SLC35D2: variants seen among roughly 807,000 people sequenced by gnomAD.
The protein encoded by SLC35D2 is nucleotide sugar transporter SLC35D2.
In SLC35D2, 43 loss-of-function variants were observed where a neutral mutation model predicts 41.8. That is an observed-to-expected ratio of 1.03 (90% CI 0.81 to 1.33). SLC35D2 has a LOEUF of 1.33. Among genes scored for constraint, SLC35D2 ranks in the 40% most tolerant of loss-of-function variants. SLC35D2 has a pLI of 0.00. For missense variants in SLC35D2, 380 were observed against 408.4 expected (o/e 0.93, Z 0.60); for synonymous variants, 150 against 163.9 (o/e 0.92, Z 0.65).
Position 96,376,174 on chromosome 9 carries a change from A to G in SLC35D2, c.158+7303T>C, listed in dbSNP as rs1036501635. 1.1e-3 allele frequency among the ~76,000 whole-genome samples: 174 copies of G among 151,726 alleles called. 1 individual carries two copies. The Middle Eastern group carries it at 0.021, about 18-fold the overall frequency. The stretch of plus-strand genomic sequence containing the variant: ...GCTGGGCATAGTGGCAGGCGCCTGT[A>G]ATCCCAGCTACTCGGGAGGCTGAGG... On this transcript the variant is annotated intron_variant, in intron 1 of 11. Transcript: ENST00000253270.
At chr9:96,317,468 GT>G (rs2130816640), downstream of SLC35D2, among the ~76,000 whole-genome samples, 1 of 152,184 alleles carries the variant, frequency 6.6e-6, no homozygotes, top group East Asian at 1.9e-4. Flanking sequence ...TTAAACCCAA[GT>G]TCTTTAGCTG....
At chr9:96,322,783 A>AT (rs1340302728) in intron 10 of SLC35D2, among the ~76,000 whole-genome samples, 1 of 140,718 alleles carries the variant, frequency 7.1e-6, no homozygotes, top group Non-Finnish European at 1.5e-5. Context: ...CAGTGGCACA[A>AT]TCTCAGCTCA....
intron 1 of SLC35D2, among the ~76,000 whole-genome samples, chr9:96,368,893 T>C (rs978765669): frequency 6.6e-6 from 1 of 151,870 alleles, no homozygotes; most frequent in Non-Finnish European, 1.5e-5. Flanking sequence ...GCCTCCCGAG[T>C]AGCTGGGACT....
In SLC35D2 at chr9:96,321,169, G is replaced by C. The variant is rs889135772; in HGVS notation, c.*73C>G. ...GGATGTCACGAATCCGAAACCTCTG[G>C]CTTCACATTCCTACTGGGAATGCCC... On this transcript the variant is annotated 3_prime_UTR_variant, in exon 12 of 12. Transcript: ENST00000253270. The C allele has an allele frequency of 1.5e-5, 17 of 1,159,132 alleles. No individual in the cohort carries two copies. The highest frequency in any genetic ancestry group is 2.1e-5 in the Non-Finnish European group (16 of 780,162). 71.8% of individuals were successfully genotyped at this position (1,159,132 alleles called of 1,614,324 possible). A position where few individuals can be genotyped will look rare whatever the true frequency, so the allele number is the denominator to read the frequency against.
At chr9:96,353,508 G>C (rs916168041) in intron 4 of SLC35D2, among the ~76,000 whole-genome samples, 3 of 152,016 alleles carry the variant, frequency 2.0e-5, no homozygotes, top group African/African-American at 7.2e-5. Context: ...ACCACGCCCA[G>C]CTAATTTTTG....
intron 11 of SLC35D2, 151 bp from the exon 12 acceptor site, chr9:96,321,492 T>C: frequency 3.2e-6 from 2 of 621,382 alleles, no homozygotes; most frequent in South Asian, 2.0e-5. Flanking sequence ...GATTGCTTGA[T>C]GAGAATTTCC....
At chr9:96,363,239 G>A (rs1011973165) in intron 3 of SLC35D2, among the ~76,000 whole-genome samples, 25 of 150,470 alleles carry the variant, frequency 1.7e-4, no homozygotes, top group African/African-American at 5.6e-4. Context: ...GGCCTCAGAC[G>A]ATCCTCCTGC....
At chr9:96,354,629 G>A (rs549772464) in intron 4 of SLC35D2, among the ~76,000 whole-genome samples, 6 of 151,910 alleles carry the variant, frequency 3.9e-5, no homozygotes, top group Admixed American at 3.3e-4. Context: ...TTAGCTGGAC[G>A]TAGTGGTGCG....
chr9:96,363,581 CGAAG>C (rs1372244270), intron 3 of SLC35D2, among the ~76,000 whole-genome samples: 1 of 152,154 alleles, frequency 6.6e-6, no homozygotes, highest in Non-Finnish European at 1.5e-5. Context: ...CCACAGTCCA[CGAAG>C]GAATGGCAGA....
intron 1 of SLC35D2, among the ~76,000 whole-genome samples, chr9:96,378,466 C>A (rs1221930337): frequency 6.6e-6 from 1 of 151,828 alleles, no homozygotes; most frequent in Non-Finnish European, 1.5e-5. Flanking sequence ...AACCTCAAAG[C>A]CTTTGGATGC....
intron 9 of SLC35D2, among the ~76,000 whole-genome samples, chr9:96,327,885 G>A (rs1451989799): frequency 1.4e-5 from 2 of 140,236 alleles, no homozygotes; most frequent in Non-Finnish European, 3.1e-5. Flanking sequence ...GCCTCCCAAA[G>A]TGCTGGGACT....
chr9:96,376,558 G>A (rs1455643963), intron 1 of SLC35D2, among the ~76,000 whole-genome samples: 6 of 152,108 alleles, frequency 3.9e-5, no homozygotes, highest in South Asian at 2.1e-4. Flanking sequence ...GCAGTGAGCC[G>A]AGATCGTGCC....
chr9:96,345,459 A>G, intron 6 of SLC35D2, 58 bp from the exon 7 acceptor site: 2 of 961,780 alleles, frequency 2.1e-6, no homozygotes, highest in Non-Finnish European at 3.3e-6. Flanking sequence ...CTTGGCCTCC[A>G]AGCCCGCCTG....
rs897251053 is a variant in SLC35D2, at chr9:96,383,693, CGGCCGGGCCGG to C, written c.-70_-60del. 3.1e-6 allele frequency: 3 copies of C among 963,644 alleles called. No individual in the cohort carries two copies. In the African/African-American group the frequency reaches 5.3e-5, roughly 17 times the overall value. 59.7% of individuals were successfully genotyped at this position (963,644 alleles called of 1,614,324 possible). On this transcript the variant is annotated 5_prime_UTR_variant, in exon 1 of 12. Coordinates refer to ENST00000253270, the MANE Select transcript of SLC35D2 (RefSeq NM_007001.3). ...GCCCCGGCTGCGCACTGGTCCCGCC[CGGCCGGGCCGG>C]GGAAGAGGGCGCGGCAGGAACAGGA...
At chr9:96,377,431 G>C (rs1831006799) in intron 1 of SLC35D2, among the ~76,000 whole-genome samples, 1 of 152,156 alleles carries the variant, frequency 6.6e-6, no homozygotes, top group Non-Finnish European at 1.5e-5. Context: ...GTCATTGTTT[G>C]CCAGCTCCCC....
chr9:96,330,338 A>G (rs1445029446), intron 9 of SLC35D2, among the ~76,000 whole-genome samples: 2 of 152,164 alleles, frequency 1.3e-5, no homozygotes, highest in African/African-American at 4.8e-5. Flanking sequence ...CACCTAAAAT[A>G]AAGCTTCACT....
chr9:96,334,228 G>C (rs1388649785), intron 9 of SLC35D2, among the ~76,000 whole-genome samples: 1 of 152,136 alleles, frequency 6.6e-6, no homozygotes, highest in East Asian at 1.9e-4. Flanking sequence ...ACTCCCAAAA[G>C]GCCTAAAGGG....
chr9:96,324,755 A>G (rs1175919219), intron 9 of SLC35D2, among the ~76,000 whole-genome samples: 1 of 151,920 alleles, frequency 6.6e-6, no homozygotes, highest in African/African-American at 2.4e-5. Flanking sequence ...GGGTTTCACC[A>G]TGTTGCCCAG....
intron 1 of SLC35D2, among the ~76,000 whole-genome samples, chr9:96,375,721 G>A (rs953046254): frequency 2.6e-5 from 4 of 151,628 alleles, no homozygotes; most frequent in African/African-American, 9.7e-5. Context: ...ACTCCTTCAA[G>A]AGTCTTCTGA....
Sources: gnomAD v4.1 joint callset for allele counts (sites outside exome capture counted in the v4.1 genomes callset) on GRCh38, gnomAD v4.1.1 for gene constraint, MANE v1.5 for transcripts, NCBI Gene and HGNC (gene_info 2026-07-23, HGNC 2026-07-21) for gene names.